ANO2: variants seen among roughly 807,000 people sequenced by gnomAD.
ANO2 encodes the protein anoctamin-2.
In ANO2, 101 loss-of-function variants were observed where a neutral mutation model predicts 124.2. The ratio of observed to expected loss-of-function variants is 0.81; its 90% confidence interval spans 0.69 to 0.96. The LOEUF (loss-of-function observed/expected upper bound fraction) is 0.96, where lower values mean the gene tolerates loss of function less well. ANO2 is among the 40% of genes least tolerant of loss of function. ANO2 has a pLI of 0.00. For synonymous variants in ANO2, 486 were observed against 482.5 expected (o/e 1.01, Z -0.09); for missense variants, 1,293 against 1,274.5 (o/e 1.01, Z -0.22).
At chr12:5,836,695 C>G (rs1189309122) in intron 4 of ANO2, 1 of 154,226 alleles carries the variant, frequency 6.5e-6, no homozygotes, top group Non-Finnish European at 1.5e-5. Context: ...GGGCACATCT[C>G]GCCCCTATGG....
At chr12:5,848,485 A>ATGGTGG (rs1954758407) in intron 4 of ANO2, among the ~76,000 whole-genome samples, 1 of 152,120 alleles carries the variant, frequency 6.6e-6, no homozygotes, top group Non-Finnish European at 1.5e-5. Flanking sequence ...CCCCAGGTTA[A>ATGGTGG]TGGTGGCAGA....
chr12:5,681,106 G>T (rs1948469891), intron 14 of ANO2, among the ~76,000 whole-genome samples: 1 of 152,188 alleles, frequency 6.6e-6, no homozygotes. Context: ...ACAGGGATTT[G>T]CACAGAGCAC....
chr12:5,668,435 T>C (rs193204560), intron 14 of ANO2, among the ~76,000 whole-genome samples: 2 of 152,294 alleles, frequency 1.3e-5, no homozygotes, highest in African/African-American at 2.4e-5. Flanking sequence ...TCCTTGCAGA[T>C]TCTGGATATT....
chr12:5,770,005 A>C (rs1403473877), intron 10 of ANO2, among the ~76,000 whole-genome samples: 1 of 152,186 alleles, frequency 6.6e-6, no homozygotes, highest in Non-Finnish European at 1.5e-5. Flanking sequence ...GTCTACATTT[A>C]ATAGATGAGA....
chr12:5,595,410 A>T (rs1259919172), intron 20 of ANO2, among the ~76,000 whole-genome samples: 3 of 151,012 alleles, frequency 2.0e-5, no homozygotes, highest in African/African-American at 7.3e-5. Flanking sequence ...TTTTGTAGAG[A>T]CAGGGTCTCA....
chr12:5,578,476 G>C lies in ANO2; in HGVS notation c.2276C>G (p.Pro759Arg), dbSNP rs752444696. 1 of 1,613,932 alleles carries C rather than the reference G, an allele frequency of 6.2e-7. No homozygotes were observed. Among genetic ancestry groups the C allele is most frequent in the Admixed American group, 1.7e-5 (1 of 60,016 alleles). Residue 759 changes from proline to arginine, a missense_variant, in exon 21 of 25, where the codon CCC becomes CGC. By Grantham distance (103) the Pro-to-Arg change is moderately radical. Transcript: ENST00000682330. ...GFVTLFVASF[P>R]LAPVFALLNN... Reference sequence around the variant, plus strand: ...GAGGAGGGCAAACACAGGTGCCAGGGGAAAGGAGGCCACGAAGAGGGTGAC... The same window carrying C: ...GAGGAGGGCAAACACAGGTGCCAGGCGAAAGGAGGCCACGAAGAGGGTGAC...
intron 14 of ANO2, among the ~76,000 whole-genome samples, chr12:5,668,025 T>C (rs1303168633): frequency 2.0e-5 from 3 of 152,254 alleles, no homozygotes; most frequent in Non-Finnish European, 2.9e-5. Context: ...CATGTGCATG[T>C]ATCTTTGTAA....
At chr12:5,674,329 G>C (rs1948136874) in intron 14 of ANO2, among the ~76,000 whole-genome samples, 1 of 152,072 alleles carries the variant, frequency 6.6e-6, no homozygotes, top group African/African-American at 2.4e-5. Flanking sequence ...GGCCACCAGA[G>C]AATCTAAGTT....
intron 3 of ANO2, among the ~76,000 whole-genome samples, chr12:5,917,292 A>G (rs1941436277): frequency 6.6e-6 from 1 of 152,182 alleles, no homozygotes; most frequent in South Asian, 2.1e-4. Flanking sequence ...CAGGACCATT[A>G]CATTTTAATT....
At chr12:5,890,788 T>C (rs934404085) in intron 3 of ANO2, among the ~76,000 whole-genome samples, 1 of 152,252 alleles carries the variant, frequency 6.6e-6, no homozygotes, top group African/African-American at 2.4e-5. Context: ...AAACCTGGGC[T>C]GACATCTTTT....
rs565995524 is a variant in ANO2, at chr12:5,707,439, T to C, written c.1545+25081A>G. ...AATTTACATAATTCCTTTAGGTCTA[T>C]ATCATGTCTGTTCTTTATAGTCATT... On this transcript the variant is annotated intron_variant, in intron 14 of 24. Coordinates refer to ENST00000682330, the MANE Select transcript of ANO2 (RefSeq NM_001364791.2). Among the ~76,000 whole-genome samples, 9 of 152,360 alleles carry C rather than the reference T, an allele frequency of 5.9e-5. No individual in the cohort carries two copies. The East Asian group carries it at 1.7e-3, about 29-fold the overall frequency.
In ANO2 at chr12:5,900,730, C is replaced by T. The variant is rs1940138521; in HGVS notation, c.534+20310G>A. 6.6e-6 allele frequency among the ~76,000 whole-genome samples: 1 copy of T among 152,328 alleles called. No individual in the cohort carries two copies. The highest frequency in any genetic ancestry group is 2.1e-4 in the South Asian group (1 of 4,830). On this transcript the variant is annotated intron_variant, in intron 3 of 24. Coordinates refer to ENST00000682330, the MANE Select transcript of ANO2 (RefSeq NM_001364791.2). This position sits in a 1 kb window ranked among gnomAD's most constrained non-coding sequence, Gnocchi z 4.2. Reference sequence around the variant, plus strand: ...GGGGCCGGGACAGGAAATGGCCAAGCACACAGCATCTTCCCAACCTCCCCT... The same window carrying T: ...GGGGCCGGGACAGGAAATGGCCAAGTACACAGCATCTTCCCAACCTCCCCT...
chr12:5,919,134 T>C (rs1232652331), intron 3 of ANO2, among the ~76,000 whole-genome samples: 1 of 151,562 alleles, frequency 6.6e-6, no homozygotes, highest in Non-Finnish European at 1.5e-5. Context: ...CAATGCTGAG[T>C]GTGATGAAGA....
chr12:5,770,047 C>G (rs1270716731), intron 10 of ANO2, among the ~76,000 whole-genome samples: 2 of 152,134 alleles, frequency 1.3e-5, no homozygotes, highest in Non-Finnish European at 1.5e-5. Context: ...ACATCTTGCC[C>G]AAGTTGACAA....
In ANO2 at chr12:5,589,244, C is replaced by T. The variant is rs141602224; in HGVS notation, c.2233+10240G>A. 2.3e-3 allele frequency among the ~76,000 whole-genome samples: 348 copies of T among 152,264 alleles called. 2 individuals carry two copies. Among genetic ancestry groups the T allele is most frequent in the African/African-American group, 8.1e-3 (335 of 41,536 alleles). Reference sequence around the variant, plus strand: ...GAACTGCATGGGTGGGTTCACGTTACACCTTCTCTTATTTCCCTGGCTTAC... The same window carrying T: ...GAACTGCATGGGTGGGTTCACGTTATACCTTCTCTTATTTCCCTGGCTTAC... On this transcript the variant is annotated intron_variant, in intron 20 of 24. Transcript: ENST00000682330.
chr12:5,739,360 C>A lies in ANO2; in HGVS notation c.1391G>T (p.Arg464Leu), dbSNP rs202175340. The change falls in exon 13 of 25, where the codon CGA becomes CTA. Residue 464 changes from arginine to leucine, a missense_variant. Arg to Leu is a moderately radical substitution (Grantham distance 102). Transcript: ENST00000682330. ...AGTCAGGTCCCAAAAGTAGCCCAGT[C>A]GCATCTGTAGCCTCTTCCAGTTTTC... is the stretch of plus-strand genomic sequence containing the variant. ...FLENWKRLQM[R>L]LGYFWDLTGI... 1 of 1,607,594 alleles carries A rather than the reference C, an allele frequency of 6.2e-7. No homozygotes were observed. The highest frequency in any genetic ancestry group is 1.7e-5 in the Admixed American group (1 of 59,210).
intron 19 of ANO2, among the ~76,000 whole-genome samples, chr12:5,610,095 T>C (rs1320407732): frequency 2.2e-5 from 3 of 133,712 alleles, no homozygotes; most frequent in Non-Finnish European, 4.6e-5. Context: ...TATATATATT[T>C]ATATTATATT....
chr12:5,770,517 T>A (rs1423307702), intron 10 of ANO2, among the ~76,000 whole-genome samples: 3 of 152,266 alleles, frequency 2.0e-5, no homozygotes, highest in African/African-American at 4.8e-5. Context: ...TTGGCTTTTT[T>A]AAAAAATCAA....
intron 20 of ANO2, among the ~76,000 whole-genome samples, chr12:5,587,504 C>A (rs1015820060): frequency 6.6e-6 from 1 of 152,142 alleles, no homozygotes; most frequent in Non-Finnish European, 1.5e-5. Context: ...TGAGGAAAAC[C>A]CCATGACAGG....
Sources: gnomAD v4.1 joint callset for allele counts (sites outside exome capture counted in the v4.1 genomes callset) on GRCh38, gnomAD v4.1.1 for gene constraint, Gnocchi (gnomAD v3.1) non-coding constraint, MANE v1.5 for transcripts, NCBI Gene and HGNC (gene_info 2026-07-23, HGNC 2026-07-21) for gene names.